Variants in ESR1 observed in about 807,000 individuals in gnomAD.
ESR1 encodes estrogen receptor 1, also known as estrogen receptor.
Under a neutral mutation model 52.7 loss-of-function variants are expected in ESR1, and 12 were observed. That is an observed-to-expected ratio of 0.23 (90% CI 0.15 to 0.37). The LOEUF (loss-of-function observed/expected upper bound fraction) is 0.37. ESR1 is among the 10% of genes least tolerant of loss of function. ESR1 has a pLI of 1.00. For missense variants in ESR1, 584 were observed against 779.7 expected (o/e 0.75, Z 2.99); for synonymous variants, 305 against 316.8 (o/e 0.96, Z 0.39).
intron 2 of ESR1, among the ~76,000 whole-genome samples, chr6:151,858,558 A>G (rs954154067): frequency 6.7e-6 from 1 of 148,950 alleles, no homozygotes; most frequent in African/African-American, 2.5e-5. Context: ...CTGACCCATT[A>G]CCCTGCCTTT....
chr6:151,746,411 A>G (rs1318008055), intron 2 of ESR1, among the ~76,000 whole-genome samples: 2 of 152,200 alleles, frequency 1.3e-5, no homozygotes, highest in Non-Finnish European at 2.9e-5. Flanking sequence ...GGCTTCAGTG[A>G]TTGTCTTAAA....
At chr6:151,912,016 C>T (rs916470578) in intron 3 of ESR1, among the ~76,000 whole-genome samples, 2 of 152,216 alleles carry the variant, frequency 1.3e-5, no homozygotes, top group African/African-American at 4.8e-5. Context: ...AAGTTCAACA[C>T]CTCAGTTGCA....
At chr6:151,968,040 T>C (rs2038474608) in intron 4 of ESR1, among the ~76,000 whole-genome samples, 1 of 152,160 alleles carries the variant, frequency 6.6e-6, no homozygotes, top group Non-Finnish European at 1.5e-5. Flanking sequence ...TGTTTTTTTT[T>C]CTTGTAAATT....
intron 1 of ESR1, among the ~76,000 whole-genome samples, chr6:151,660,507 A>G (rs1299297183): frequency 6.6e-6 from 1 of 152,222 alleles, no homozygotes; most frequent in Admixed American, 6.5e-5. Context: ...AAAAATATGT[A>G]AAACTCATCA....
intron 1 of ESR1, among the ~76,000 whole-genome samples, chr6:151,692,071 T>C (rs554542647): frequency 6.6e-6 from 1 of 152,374 alleles, no homozygotes; most frequent in East Asian, 1.9e-4. Flanking sequence ...AGATTTTTCT[T>C]GGACATTTGG....
intron 5 of ESR1, among the ~76,000 whole-genome samples, chr6:152,034,694 C>G (rs2045116071): frequency 6.6e-6 from 1 of 152,116 alleles, no homozygotes; most frequent in Admixed American, 6.6e-5. Flanking sequence ...TCTGAAATAA[C>G]TGGGCTACAG....
chr6:152,064,791 T>C (rs1390997060), intron 6 of ESR1, among the ~76,000 whole-genome samples: 1 of 152,232 alleles, frequency 6.6e-6, no homozygotes, highest in Non-Finnish European at 1.5e-5. Context: ...ATTTAATAGA[T>C]GCTTATTTGC....
chr6:151,871,651 C>T (rs1314991215), intron 2 of ESR1, among the ~76,000 whole-genome samples: 2 of 152,210 alleles, frequency 1.3e-5, no homozygotes, highest in African/African-American at 2.4e-5. Flanking sequence ...GTGATCTGCC[C>T]GCCTCAGCCT....
chr6:151,680,212 T>C (rs1351617565), intron 1 of ESR1, among the ~76,000 whole-genome samples: 3 of 149,368 alleles, frequency 2.0e-5, no homozygotes, highest in Non-Finnish European at 4.5e-5. Flanking sequence ...CTCTTTTTTT[T>C]TTTTTTTTTG....
At chr6:151,786,016 A>G (rs1786987468) in intron 2 of ESR1, among the ~76,000 whole-genome samples, 3 of 152,162 alleles carry the variant, frequency 2.0e-5, no homozygotes, top group Non-Finnish European at 2.9e-5. Flanking sequence ...CAAGCTTGGT[A>G]AGCGTCACCA....
intron 2 of ESR1, among the ~76,000 whole-genome samples, chr6:151,859,533 G>A (rs1399520882): frequency 1.3e-5 from 2 of 152,114 alleles, no homozygotes; most frequent in East Asian, 1.9e-4. Context: ...AGTGATCACA[G>A]ACCCAGGGAC....
At chr6:151,765,523 G>T (rs1352160613) in intron 2 of ESR1, among the ~76,000 whole-genome samples, 1 of 152,158 alleles carries the variant, frequency 6.6e-6, no homozygotes, top group African/African-American at 2.4e-5. Flanking sequence ...TGTTACTCTC[G>T]TTAGCCATGC....
chr6:151,702,273 T>C (rs1779855085), intron 2 of ESR1, among the ~76,000 whole-genome samples: 1 of 152,206 alleles, frequency 6.6e-6, no homozygotes, highest in Non-Finnish European at 1.5e-5. Flanking sequence ...TTTCTTTGCA[T>C]AGTATCAGAG....
intron 2 of ESR1, among the ~76,000 whole-genome samples, chr6:151,849,978 TTATA>T (rs66502837): frequency 0.013 from 1,101 of 84,100 alleles, 15 homozygotes; most frequent in Admixed American, 0.028. Context: ...TCCTAGGGAA[TTATA>T]TATATATATA....
chr6:152,021,453 T>TAC (rs1273665895), intron 5 of ESR1, among the ~76,000 whole-genome samples: 2 of 152,178 alleles, frequency 1.3e-5, no homozygotes, highest in Non-Finnish European at 2.9e-5. Flanking sequence ...CCCTGACTAA[T>TAC]ACACCCAGTG....
chr6:151,888,298 T>A (rs1008192016), intron 3 of ESR1, among the ~76,000 whole-genome samples: 7 of 152,214 alleles, frequency 4.6e-5, no homozygotes, highest in Admixed American at 2.6e-4. Context: ...CCAGTCTATG[T>A]ATGGTATATC....
At chr6:152,042,216 A>G (rs987798381) in intron 5 of ESR1, among the ~76,000 whole-genome samples, 5 of 152,178 alleles carry the variant, frequency 3.3e-5, no homozygotes, top group Non-Finnish European at 7.3e-5. Context: ...CAGGGAGCCA[A>G]TGTGGGGGTT....
intron 2 of ESR1, among the ~76,000 whole-genome samples, chr6:151,735,233 T>G (rs3020345): frequency 0.48 from 72,974 of 151,444 alleles, 18,966 homozygotes; most frequent in Non-Finnish European, 0.57. Context: ...CATGGTCTGT[T>G]GTTCTCTCTT....
intron 1 of ESR1, among the ~76,000 whole-genome samples, chr6:151,667,311 A>G (rs1256127803): frequency 6.6e-6 from 1 of 152,188 alleles, no homozygotes; most frequent in Non-Finnish European, 1.5e-5. Context: ...TCATGGATGC[A>G]GGACTATAGG....
Sources: gnomAD v4.1 joint callset for allele counts (sites outside exome capture counted in the v4.1 genomes callset) on GRCh38, gnomAD v4.1.1 for gene constraint, MANE v1.5 for transcripts, NCBI Gene and HGNC (gene_info 2026-07-23, HGNC 2026-07-21) for gene names.